MICAL3: variants seen among roughly 807,000 people sequenced by gnomAD.
The protein encoded by MICAL3 is [F-actin]-monooxygenase MICAL3.
MICAL3 carries 62 observed loss-of-function variants against 207.4 expected under a neutral mutation model. The ratio of observed to expected loss-of-function variants is 0.30; its 90% CI spans 0.24 to 0.37. The LOEUF (loss-of-function observed/expected upper bound fraction) is 0.37, where lower values mean the gene tolerates loss of function less well. Ranked by LOEUF, MICAL3 falls within the 10% of genes least tolerant of loss-of-function variation. The pLI is 1.00. For missense variants in MICAL3, 2,368 were observed against 2,635.6 expected (o/e 0.90, Z 2.22); for synonymous variants, 1,077 against 1,069.3 (o/e 1.01, Z -0.14).
At chr22:18,018,227 C>T (rs1350745318) in intron 1 of MICAL3, among the ~76,000 whole-genome samples, 1 of 152,178 alleles carries the variant, frequency 6.6e-6, no homozygotes. Flanking sequence ...ATTCTTTTAA[C>T]TTGAAAATTA....
At position 17,886,215 on chromosome 22, in the gene MICAL3, C is replaced by T. The variant is rs558241132; in HGVS notation, c.2068-164G>A. The stretch of plus-strand genomic sequence containing the variant: ...GAGACAGCAAGCCTGGAGGTAGGGC[C>T]GTATAAAGAGTACTGGGACCTGTGC... On this transcript the variant is annotated intron_variant, in intron 15 of 31. Coordinates refer to ENST00000441493, the MANE Select transcript of MICAL3 (RefSeq NM_015241.3). Among the ~76,000 whole-genome samples, 3 of 152,264 alleles carry T rather than the reference C, an allele frequency of 2.0e-5. No homozygotes were observed. In the East Asian group the frequency reaches 5.8e-4, roughly 29 times the overall value.
At chr22:17,866,550 T>C (rs1047734952) in intron 17 of MICAL3, among the ~76,000 whole-genome samples, 45 of 151,088 alleles carry the variant, frequency 3.0e-4, no homozygotes, top group African/African-American at 1.0e-3. Flanking sequence ...GAAAGGACAT[T>C]AGAAGACAAA....
At chr22:17,986,467 C>A (rs1288577954) in intron 1 of MICAL3, among the ~76,000 whole-genome samples, 1 of 151,412 alleles carries the variant, frequency 6.6e-6, no homozygotes, top group African/African-American at 2.5e-5. Flanking sequence ...CTGCAGTGAG[C>A]CAAGATGGTG....
intron 13 of MICAL3, among the ~76,000 whole-genome samples, chr22:17,888,337 A>C (rs566109994): frequency 1.3e-5 from 2 of 152,280 alleles, no homozygotes; most frequent in East Asian, 3.9e-4. Context: ...AGGGACAATT[A>C]ATGACAACAG....
At chr22:17,797,403 A>G (rs1218961756) in intron 29 of MICAL3, among the ~76,000 whole-genome samples, 1 of 152,086 alleles carries the variant, frequency 6.6e-6, no homozygotes, top group Non-Finnish European at 1.5e-5. Context: ...CTACGGTGGG[A>G]GGGCTGCTTG....
chr22:18,015,455 C>G (rs1191284595), intron 1 of MICAL3, among the ~76,000 whole-genome samples: 3 of 125,026 alleles, frequency 2.4e-5, no homozygotes, highest in Admixed American at 1.9e-4. Flanking sequence ...GATGGAGTCT[C>G]ACTCTGGAGT....
At chr22:17,987,062 A>AC (rs1205130620) in intron 1 of MICAL3, among the ~76,000 whole-genome samples, 4 of 151,734 alleles carry the variant, frequency 2.6e-5, no homozygotes, top group Non-Finnish European at 2.9e-5. Flanking sequence ...ACACAGCGAG[A>AC]CCCCATCTCC....
chr22:17,986,797 T>C (rs1481694466), intron 1 of MICAL3, among the ~76,000 whole-genome samples: 1 of 152,204 alleles, frequency 6.6e-6, no homozygotes, highest in Non-Finnish European at 1.5e-5. Context: ...CTAGTTTCAG[T>C]CTTTTAAGTA....
chr22:17,827,837 T>A, intron 21 of MICAL3, 56 bp from the exon 22 acceptor site: 1 of 1,498,312 alleles, frequency 6.7e-7, no homozygotes. Flanking sequence ...GGGGATGAAA[T>A]AGCATGGGAA....
rs1432181278 is a variant in MICAL3 at position 17,841,651 on chromosome 22, C to A, written c.2801+171G>T. On this transcript the variant is annotated intron_variant, in intron 20 of 31. Transcript: ENST00000441493. This position sits in a 1 kb window ranked among gnomAD's most constrained non-coding sequence, Gnocchi z 4.2. ...GAATTGAGTCTGATGGAGGAGTCCT[C>A]ACTGACTAGAAGATGAGGCTAAGAA... 1 of 634,756 alleles carries A rather than the reference C, an allele frequency of 1.6e-6. No individual in the cohort carries two copies. The highest frequency in any genetic ancestry group is 1.8e-5 in the African/African-American group (1 of 54,638). The allele number at this position is 634,756 out of a possible 1,614,324, so 39.3% of individuals were successfully genotyped here.
chr22:18,005,730 G>A (rs530337712), intron 1 of MICAL3: 3 of 152,302 alleles, frequency 2.0e-5, no homozygotes, highest in African/African-American at 7.2e-5. Flanking sequence ...TGGAGTGCTG[G>A]TGGCTAGAAT....
intron 1 of MICAL3, among the ~76,000 whole-genome samples, chr22:17,920,855 C>T (rs956636808): frequency 5.9e-5 from 9 of 152,094 alleles, no homozygotes; most frequent in African/African-American, 2.2e-4. Context: ...CTGCCTACCA[C>T]AATCCTGGTG....
In MICAL3 at chr22:17,816,541, T is replaced by C. The variant is rs769145696; in HGVS notation, c.5445+149A>G. The C allele has an allele frequency of 1.9e-5, 13 of 667,100 alleles. No homozygotes were observed. In the East Asian group the frequency reaches 3.0e-4, roughly 15 times the overall value. The allele number at this position is 667,100 out of a possible 1,614,324, so 41.3% of individuals were successfully genotyped here. On this transcript the variant is annotated intron_variant, in intron 27 of 31. Transcript: ENST00000441493. ...AGCCCAGCGTGACCGCCTCAGTGCA[T>C]AGGGCTGGGTCAGCAGTCAGCTGGC...
intron 19 of MICAL3, among the ~76,000 whole-genome samples, chr22:17,844,466 C>T (rs1924424114): frequency 6.6e-6 from 1 of 152,222 alleles, no homozygotes; most frequent in Admixed American, 6.5e-5. Flanking sequence ...CAGCCTCAGA[C>T]AGAGCTTTTA....
In MICAL3 at chr22:17,898,241, G is replaced by A. The variant is rs145177148; in HGVS notation, c.948+1207C>T. Among the ~76,000 whole-genome samples the A allele has an allele frequency of 9.7e-4, 147 of 152,306 alleles. 2 individuals are homozygous for A. In the East Asian group the frequency reaches 0.027, roughly 28 times the overall value. ...ATCTTCACCTTGTCCCAAGGCGTAC[G>A]AACTGCTTCACTGGCTATTTCTTAC... On this transcript the variant is annotated intron_variant, in intron 7 of 31. Coordinates refer to ENST00000441493, the MANE Select transcript of MICAL3 (RefSeq NM_015241.3).
At chr22:17,860,304 C>T in intron 19 of MICAL3, 3 of 985,440 alleles carry the variant, frequency 3.0e-6, no homozygotes, top group Non-Finnish European at 3.6e-6. Flanking sequence ...ACACCAAGAA[C>T]TCACAAGAGC....
intron 19 of MICAL3, chr22:17,861,001 G>A (rs1054074415): frequency 8.1e-6 from 8 of 984,538 alleles, no homozygotes; most frequent in Non-Finnish European, 9.6e-6. Flanking sequence ...ACATACAAAC[G>A]TGTACCTATA....
intron 1 of MICAL3, among the ~76,000 whole-genome samples, chr22:17,919,051 C>T (rs1026597929): frequency 6.8e-6 from 1 of 147,610 alleles, no homozygotes; most frequent in Admixed American, 6.7e-5. Flanking sequence ...ACTTGACATA[C>T]TCCAAATGTT....
Position 17,865,950 on chromosome 22 carries a change from G to A in MICAL3, c.2491C>T (p.Pro831Ser). ...TTTCCAGACAGGGGAGCCACTGCCGGTCTCTTCCTTTGTGCGTAGCCAGAG... is the reference window on the plus strand; with the variant it reads ...TTTCCAGACAGGGGAGCCACTGCCGATCTCTTCCTTTGTGCGTAGCCAGAG... ...RLSGYAQRKR[P>S]AVAPLSGKEA... Residue 831 changes from proline to serine, a missense_variant, in exon 18 of 32, where the codon CCG (proline) becomes TCG (serine). Coordinates refer to ENST00000441493, the MANE Select transcript of MICAL3 (RefSeq NM_015241.3). The A allele has an allele frequency of 1.9e-6, 3 of 1,613,872 alleles. No individual in the cohort carries two copies. Among genetic ancestry groups the A allele is most frequent in the Non-Finnish European group, 2.5e-6 (3 of 1,179,742 alleles).
Sources: allele counts gnomAD v4.1 joint callset (sites outside exome capture counted in the v4.1 genomes callset), GRCh38; gene constraint gnomAD v4.1.1; non-coding constraint Gnocchi (gnomAD v3.1); transcripts MANE v1.5; gene names NCBI Gene and HGNC (gene_info 2026-07-23, HGNC 2026-07-21).